IGDCC4: variants seen among roughly 807,000 people sequenced by gnomAD.
IGDCC4 encodes immunoglobulin superfamily DCC subclass member 4, also known as likely ortholog of mouse neighbor of Punc E11.
IGDCC4 carries 72 observed loss-of-function variants against 116.6 expected under a neutral mutation model. That is an observed-to-expected ratio of 0.62 (90% CI 0.51 to 0.75). The LOEUF (loss-of-function observed/expected upper bound fraction) is 0.75. Among genes scored for constraint, IGDCC4 ranks in the 30% least tolerant of loss-of-function variants. The pLI, the probability that IGDCC4 is intolerant of heterozygous loss-of-function variation, is 0.00. For missense variants in IGDCC4, 1,501 were observed against 1,662.4 expected (o/e 0.90, Z 1.69); for synonymous variants, 709 against 719.9 (o/e 0.98, Z 0.24).
At chr15:65,422,724 A>T in intron 1 of IGDCC4, 69 bp downstream of exon 1, 1 of 1,214,022 alleles carries the variant, frequency 8.2e-7, no homozygotes, top group Non-Finnish European at 1.1e-6. Flanking sequence ...CCGCAGCCCG[A>T]TGCAGACCAG....
Position 65,383,335 on chromosome 15 carries a change from A to T in IGDCC4, c.*674T>A, listed in dbSNP as rs1378501076. 1 of 152,896 alleles carries T rather than the reference A, an allele frequency of 6.5e-6. No homozygotes were observed. The highest frequency in any genetic ancestry group is 2.4e-5 in the African/African-American group (1 of 41,464). The allele number at this position is 152,896 out of a possible 1,614,324, so 9.5% of individuals were successfully genotyped here. A position where few individuals can be genotyped will look rare whatever the true frequency, so the allele number is the denominator to read the frequency against. ...GTGCTGGGAGAGCGAGGTGACTGGG[A>T]GACAGAACACTAGAGCAGCCAGGGG... On this transcript the variant is annotated 3_prime_UTR_variant, in exon 20 of 20. Coordinates refer to ENST00000352385, the MANE Select transcript of IGDCC4 (RefSeq NM_020962.3).
chr15:65,402,944 C>A (rs1366109216), intron 3 of IGDCC4, among the ~76,000 whole-genome samples: 1 of 152,162 alleles, frequency 6.6e-6, no homozygotes, highest in African/African-American at 2.4e-5. Context: ...AATAACACTC[C>A]GTGTGGATGA....
At chr15:65,403,927 C>T (rs949240107) in intron 3 of IGDCC4, among the ~76,000 whole-genome samples, 2 of 152,078 alleles carry the variant, frequency 1.3e-5, no homozygotes, top group African/African-American at 4.8e-5. Context: ...GAATGGGTCC[C>T]TCGGAATCCT....
intron 5 of IGDCC4, 105 bp downstream of exon 5, chr15:65,400,701 T>G: frequency 7.2e-7 from 1 of 1,396,340 alleles, no homozygotes; most frequent in Non-Finnish European, 9.7e-7. Context: ...ACCAGAAGGT[T>G]CGTGACCACT....
At chr15:65,405,051 C>CA (rs2063026935) in intron 3 of IGDCC4, among the ~76,000 whole-genome samples, 1 of 142,658 alleles carries the variant, frequency 7.0e-6, no homozygotes, top group Non-Finnish European at 1.5e-5. Flanking sequence ...GTCCCTGACT[C>CA]AAAAAAATCT....
rs1282955412 is a variant in IGDCC4 at position 65,385,853 on chromosome 15, C to T, written c.3158G>A (p.Gly1053Asp). The T allele has an allele frequency of 6.2e-7, 1 of 1,612,606 alleles. No individual in the cohort carries two copies. The highest frequency in any genetic ancestry group is 1.7e-5 in the Admixed American group (1 of 60,030). Residue 1053 changes from glycine (G) to aspartate (D), a missense_variant, in exon 18 of 20, where the codon GGC (glycine) becomes GAC (aspartate). By Grantham distance (94) the Gly-to-Asp change is moderately conservative. Transcript: ENST00000352385. ...TACCTTTCTTTTGGAGTGACTCCGG[C>T]CTTCAGAAACACCGCCACCCATAAG... ...HSLMGGGVSE[G>D]RSHSKRKISW...
chr15:65,385,080 A>G lies in IGDCC4; in HGVS notation c.3216T>C (p.Ala1072=). 6.2e-7 allele frequency: 1 copy of G among 1,601,916 alleles called. No individual in the cohort carries two copies. Among genetic ancestry groups the G allele is most frequent in the East Asian group, 2.3e-5 (1 of 44,310 alleles). ...GCAGCTCACAGCCTGCCCAGGAACC[A>G]GCCCAGCTCAGCCCGCTTGGTTGAG... ...SWAQPSGLSW[A]GSWAGCELPQ... Residue 1072 remains alanine, a synonymous_variant, in exon 19 of 20, where the codon GCT becomes GCC. Coordinates refer to ENST00000352385, the MANE Select transcript of IGDCC4 (RefSeq NM_020962.3).
chr15:65,410,826 GGGA>G (rs2063084089), intron 2 of IGDCC4, 191 bp downstream of exon 2: 1 of 588,416 alleles, frequency 1.7e-6, no homozygotes, highest in Non-Finnish European at 3.0e-6. Flanking sequence ...GAGAAGAAGC[GGGA>G]AGATTATGGA....
rs146782532 is a variant in IGDCC4 at position 65,386,621 on chromosome 15, C to T, written c.2881G>A (p.Val961Met). ...LDMHSVTGII[V>M]GVCLGLLCLL... ...CAGAGGAGGCCCAGGCAGACACCCACGATGATGCCCGTGACTGAGTGCATG... is the reference window on the plus strand; with the variant it reads ...CAGAGGAGGCCCAGGCAGACACCCATGATGATGCCCGTGACTGAGTGCATG... The change falls in exon 17 of 20, where the codon GTG becomes ATG. Residue 961 changes from valine (V) to methionine (M), a missense_variant. This residue lies in a region of IGDCC4 where 235 missense variants were observed against 328.0 expected (regional missense o/e 0.72). Transcript: ENST00000352385. 26 of 1,612,486 alleles carry T rather than the reference C, an allele frequency of 1.6e-5. No individual in the cohort carries two copies. In the African/African-American group the frequency reaches 2.5e-4, roughly 16 times the overall value.
rs1595775481 is a variant in IGDCC4 at position 65,386,768 on chromosome 15, C to T, written c.2846-112G>A. On this transcript the variant is annotated intron_variant, in intron 16 of 19. Coordinates refer to ENST00000352385, the MANE Select transcript of IGDCC4 (RefSeq NM_020962.3). ...AGACACCAGCTGGACCCTCACCCTT[C>T]AGATGCTCACAATCTTCTGATACAA... 5 of 724,588 alleles carry T rather than the reference C, an allele frequency of 6.9e-6. No individual in the cohort carries two copies. The East Asian group carries it at 1.4e-4, about 20-fold the overall frequency. 44.9% of individuals were successfully genotyped at this position (724,588 alleles called of 1,614,324 possible). A position where few individuals can be genotyped will look rare whatever the true frequency, so the allele number is the denominator to read the frequency against.
In IGDCC4 at chr15:65,395,910, G is replaced by A. The variant is rs1181841041; in HGVS notation, c.1251C>T (p.Ala417=). ...AENSAGMACA[A]ASLAVVVREG... is the part of the protein sequence containing the mutation. ...CGCGCACCACCACGGCCAGCGACGC[G>A]GCAGCGCACGCCATTCCCGCGCTGT... is the stretch of plus-strand genomic sequence containing the variant. Residue 417 remains alanine (A), a synonymous_variant, in exon 7 of 20, where the codon GCC becomes GCT. Transcript: ENST00000352385. The A allele has an allele frequency of 1.1e-5, 17 of 1,590,164 alleles. No individual in the cohort carries two copies. The highest frequency in any genetic ancestry group is 1.3e-5 in the African/African-American group (1 of 74,420).
intron 1 of IGDCC4, 139 bp from the exon 2 acceptor site, chr15:65,411,509 A>T (rs115928784): frequency 9.0e-6 from 6 of 666,274 alleles, no homozygotes; most frequent in African/African-American, 7.3e-5. Context: ...CCCCTTACTA[A>T]CTGTGACCTT....
intron 3 of IGDCC4, among the ~76,000 whole-genome samples, chr15:65,406,848 G>C (rs1278539741): frequency 1.3e-5 from 2 of 152,096 alleles, no homozygotes; most frequent in Admixed American, 6.5e-5. Context: ...GTGGCTTCAC[G>C]GGATGACGCC....
intron 3 of IGDCC4, among the ~76,000 whole-genome samples, chr15:65,406,048 C>A (rs1407045655): frequency 6.6e-6 from 1 of 152,200 alleles, no homozygotes; most frequent in Middle Eastern, 3.2e-3. Context: ...GAAATGGTAA[C>A]CACTGGGAGA....
intron 15 of IGDCC4, 75 bp from the exon 16 acceptor site, chr15:65,388,661 C>CT: frequency 6.2e-7 from 1 of 1,602,696 alleles, no homozygotes; most frequent in East Asian, 2.2e-5. Context: ...AGGGAGGGGA[C>CT]TGGGAGAGTC....
Position 65,422,826 on chromosome 15 carries a change from G to A in IGDCC4, c.37C>T (p.Leu13Phe). 1 of 1,246,676 alleles carries A rather than the reference G, an allele frequency of 8.0e-7. No individual in the cohort carries two copies. Among genetic ancestry groups the A allele is most frequent in the Non-Finnish European group, 1.0e-6 (1 of 992,196 alleles). 77.2% of individuals were successfully genotyped at this position (1,246,676 alleles called of 1,614,324 possible). A position where few individuals can be genotyped will look rare whatever the true frequency, so the allele number is the denominator to read the frequency against. ...RGDAGRGRGL[L>F]ALTFCLLAAR... ...GCCAACAGGCAGAAGGTCAACGCGA[G>A]GAGCCCGCGGCCGCGGCCGGCGTCC... Residue 13 changes from leucine to phenylalanine, a missense_variant, in exon 1 of 20, where the codon CTC (leucine) becomes TTC (phenylalanine). Around this residue, in one of 3 missense-constraint regions of IGDCC4, gnomAD observed 898 missense variants for 978.9 expected, o/e 0.92. Coordinates refer to ENST00000352385, the MANE Select transcript of IGDCC4 (RefSeq NM_020962.3).
At chr15:65,417,220 C>T (rs2063152921) in intron 1 of IGDCC4, among the ~76,000 whole-genome samples, 1 of 152,152 alleles carries the variant, frequency 6.6e-6, no homozygotes, top group African/African-American at 2.4e-5. Flanking sequence ...TGCCCCCAAC[C>T]TTGGCCACCT....
In IGDCC4 at chr15:65,389,369, G is replaced by T; in HGVS notation, c.2451C>A (p.Thr817=). The part of the protein sequence containing the change: ...DILIGGLKPF[T]KYEFAVQSHG... ...GAGACTGCACTGCAAACTCGTATTT[G>T]GTGAATGGCTTCAAGCCGCCAATGA... The change falls in exon 14 of 20, where the codon ACC becomes ACA. Residue 817 remains threonine, a synonymous_variant. Coordinates refer to ENST00000352385, the MANE Select transcript of IGDCC4 (RefSeq NM_020962.3). 2 of 1,614,176 alleles carry T rather than the reference G, an allele frequency of 1.2e-6. No individual in the cohort carries two copies. Among genetic ancestry groups the T allele is most frequent in the Non-Finnish European group, 1.7e-6 (2 of 1,180,026 alleles).
intron 15 of IGDCC4, 31 bp from the exon 16 acceptor site, chr15:65,388,617 ATGGTGGATGGGG>A: frequency 6.2e-7 from 1 of 1,611,640 alleles, no homozygotes; most frequent in Non-Finnish European, 8.5e-7. Context: ...GAGAGCAGGG[ATGGTGGATGGGG>A]TGGGTGGATG....
Sources: gnomAD v4.1 joint callset for allele counts (sites outside exome capture counted in the v4.1 genomes callset) on GRCh38, gnomAD v4.1.1 for gene constraint, gnomAD v4.1.1 regional missense constraint, MANE v1.5 for transcripts, NCBI Gene and HGNC (gene_info 2026-07-23, HGNC 2026-07-21) for gene names.